BACH2: variants seen among roughly 807,000 people sequenced by gnomAD.
The protein encoded by BACH2 is transcription regulator protein BACH2.
In BACH2, 5 loss-of-function variants were observed where a neutral mutation model predicts 61.8. The observed-to-expected ratio is 0.08, with a 90% CI of 0.04 to 0.17. The LOEUF (loss-of-function observed/expected upper bound fraction) is 0.17. BACH2 is among the 10% of genes least tolerant of loss of function. The pLI is 1.00. For synonymous variants in BACH2, 446 were observed against 440.1 expected (o/e 1.01, Z -0.17); for missense variants, 824 against 1,091.1 (o/e 0.76, Z 3.45).
chr6:90,047,685 T>C (rs1283606937), intron 5 of BACH2, among the ~76,000 whole-genome samples: 1 of 152,146 alleles, frequency 6.6e-6, no homozygotes, highest in Admixed American at 6.5e-5. Context: ...TAGTGGATAA[T>C]TGTGGTAAAG....
chr6:90,123,950 G>A (rs2127820850), intron 4 of BACH2, among the ~76,000 whole-genome samples: 1 of 152,252 alleles, frequency 6.6e-6, no homozygotes, highest in East Asian at 1.9e-4. Context: ...GGGCCCCAAA[G>A]CTGATGAAGA....
chr6:90,123,756 C>T (rs1276389223), intron 4 of BACH2, among the ~76,000 whole-genome samples: 12 of 114,086 alleles, frequency 1.1e-4, no homozygotes, highest in African/African-American at 4.6e-4. Context: ...GGCGACAGAG[C>T]GAGACTCCGT....
intron 5 of BACH2, among the ~76,000 whole-genome samples, chr6:90,054,615 G>C: frequency 6.6e-6 from 1 of 152,236 alleles, no homozygotes. Flanking sequence ...TGACAGCTTT[G>C]AAGAGAGTAG....
intron 4 of BACH2, among the ~76,000 whole-genome samples, chr6:90,169,859 AG>A (rs1767753668): frequency 6.6e-6 from 1 of 152,188 alleles, no homozygotes; most frequent in Non-Finnish European, 1.5e-5. Flanking sequence ...ACAGATATTT[AG>A]CCCCCTTTGA....
intron 6 of BACH2, among the ~76,000 whole-genome samples, chr6:89,977,079 C>T (rs566181302): frequency 2.3e-4 from 35 of 152,240 alleles, no homozygotes; most frequent in East Asian, 1.2e-3. Context: ...CAAATTTTAT[C>T]ATGCAGTGAG....
chr6:90,031,778 C>A (rs1490269255), intron 5 of BACH2, among the ~76,000 whole-genome samples: 1 of 152,156 alleles, frequency 6.6e-6, no homozygotes, highest in South Asian at 2.1e-4. Flanking sequence ...GGCCATACTG[C>A]CCAAAGTAAT....
At chr6:90,219,594 T>A (rs573378650) in intron 3 of BACH2, among the ~76,000 whole-genome samples, 1 of 152,226 alleles carries the variant, frequency 6.6e-6, no homozygotes, top group Non-Finnish European at 1.5e-5. Context: ...CACAGCTGTA[T>A]TGTAAACACG....
At chr6:90,149,481 T>C (rs900105786) in intron 4 of BACH2, among the ~76,000 whole-genome samples, 1 of 152,210 alleles carries the variant, frequency 6.6e-6, no homozygotes, top group African/African-American at 2.4e-5. Context: ...GAGAGAAATA[T>C]CTCGATTCAT....
chr6:90,141,527 C>T (rs1416531231), intron 4 of BACH2, among the ~76,000 whole-genome samples: 2 of 149,414 alleles, frequency 1.3e-5, no homozygotes, highest in African/African-American at 2.5e-5. Flanking sequence ...ATCTATATTA[C>T]CATATATACC....
chr6:90,164,080 G>C (rs1767509793), intron 4 of BACH2, among the ~76,000 whole-genome samples: 1 of 152,142 alleles, frequency 6.6e-6, no homozygotes, highest in South Asian at 2.1e-4. Flanking sequence ...AGAACTGAAG[G>C]AAACAGAGAC....
chr6:89,986,604 G>A lies in BACH2; in HGVS notation c.243+21998C>T, dbSNP rs558210860. On this transcript the variant is annotated intron_variant, in intron 6 of 8. Transcript: ENST00000257749. ...CCTGTCACTAAATTTGAATGTTTAG[G>A]TGGCACTTAAAAAACCTTTCCACCC... Among the ~76,000 whole-genome samples, 48 of 152,060 alleles carry A rather than the reference G, an allele frequency of 3.2e-4. 2 individuals carry two copies. The South Asian group carries it at 0.01, about 32-fold the overall frequency.
At chr6:90,266,631 C>T (rs1771343144) in intron 2 of BACH2, among the ~76,000 whole-genome samples, 1 of 152,016 alleles carries the variant, frequency 6.6e-6, no homozygotes, top group South Asian at 2.1e-4. Context: ...AAATGTTATG[C>T]TAAATGAAAA....
rs905243169 is a variant in BACH2 at position 90,020,475 on chromosome 6, T to C, written c.-12-11619A>G. On this transcript the variant is annotated intron_variant, in intron 5 of 8. Transcript: ENST00000257749. ...CCCTCTCTCATGAGCTCCCTCACCA[T>C]GTGATGCCCTGTGCCACCTTGGGAT... is the stretch of plus-strand genomic sequence containing the variant. Among the ~76,000 whole-genome samples, 23 of 152,144 alleles carry C rather than the reference T, an allele frequency of 1.5e-4. 1 individual carries two copies. The highest frequency in any genetic ancestry group is 5.6e-4 in the African/African-American group (23 of 41,428).
At chr6:90,145,706 A>G (rs1198331085) in intron 4 of BACH2, among the ~76,000 whole-genome samples, 2 of 152,216 alleles carry the variant, frequency 1.3e-5, no homozygotes, top group Non-Finnish European at 2.9e-5. Flanking sequence ...CATTCATATT[A>G]TAATATGTGA....
intron 4 of BACH2, among the ~76,000 whole-genome samples, chr6:90,181,384 G>A (rs1562490786): frequency 6.6e-6 from 1 of 151,696 alleles, no homozygotes; most frequent in Non-Finnish European, 1.5e-5. Context: ...GGGGAAAAAT[G>A]GAAGGCTATA....
At chr6:89,965,738 T>G (rs993391341) in intron 6 of BACH2, among the ~76,000 whole-genome samples, 8 of 152,220 alleles carry the variant, frequency 5.3e-5, no homozygotes, top group African/African-American at 1.9e-4. Flanking sequence ...CCACCTGAAA[T>G]CAGAACTGAA....
intron 3 of BACH2, among the ~76,000 whole-genome samples, chr6:90,212,406 T>C (rs1251648320): frequency 6.6e-6 from 1 of 152,096 alleles, no homozygotes; most frequent in Non-Finnish European, 1.5e-5. Context: ...CCAAGGAGAT[T>C]CCTGCAGGTC....
chr6:90,168,979 G>T (rs1407904270), intron 4 of BACH2, among the ~76,000 whole-genome samples: 1 of 152,134 alleles, frequency 6.6e-6, no homozygotes, highest in Non-Finnish European at 1.5e-5. Context: ...CTGAAACTGT[G>T]AACTATCTCC....
chr6:89,949,547 G>A (rs1348588809), intron 7 of BACH2, among the ~76,000 whole-genome samples: 1 of 152,154 alleles, frequency 6.6e-6, no homozygotes, highest in African/African-American at 2.4e-5. Flanking sequence ...AGACACACAT[G>A]GAGCCTCTGG....
Sources: allele counts gnomAD v4.1 joint callset (sites outside exome capture counted in the v4.1 genomes callset), GRCh38; gene constraint gnomAD v4.1.1; transcripts MANE v1.5; gene names NCBI Gene and HGNC (gene_info 2026-07-23, HGNC 2026-07-21).